Variants in ODF4 observed in about 807,000 individuals in gnomAD.
The protein encoded by ODF4 is outer dense fiber of sperm tails 4.
In ODF4, 11 loss-of-function variants were observed where a neutral mutation model predicts 17.0. The ratio of observed to expected loss-of-function variants is 0.65; its 90% CI spans 0.41 to 1.07. The LOEUF is 1.07. Among genes scored for constraint, ODF4 ranks in the 50% least tolerant of loss-of-function variants. The probability of loss-of-function intolerance (pLI) is 0.00; values close to 1 mark genes in which losing one functional copy is unlikely to be tolerated. For missense variants in ODF4, 281 were observed against 310.2 expected, an observed-to-expected ratio of 0.91 and a Z score of 0.71; for synonymous variants, 127 against 121.8, an observed-to-expected ratio of 1.04 and a Z score of -0.28.
chr17:8,345,884 C>T lies in ODF4; in HGVS notation c.*32C>T, dbSNP rs780096628. ...CTGAACTCCTGGCACCAAGTTCTGT[C>T]CATTCATCTGACCCCATCTCCTCAT... On this transcript the variant is annotated 3_prime_UTR_variant, in exon 3 of 3. Transcript: ENST00000328248. This position sits in a 1 kb window ranked among gnomAD's most constrained non-coding sequence, Gnocchi z 4.1. 1 of 1,578,494 alleles carries T rather than the reference C, an allele frequency of 6.3e-7. No homozygotes were observed. The highest frequency in any genetic ancestry group is 2.2e-5 in the East Asian group (1 of 44,592).
In ODF4 at chr17:8,339,994, A is replaced by G. The variant is rs190803100; in HGVS notation, c.-58A>G. On this transcript the variant is annotated 5_prime_UTR_variant, in exon 1 of 3. Coordinates refer to ENST00000328248, the MANE Select transcript of ODF4 (RefSeq NM_153007.5). ...CTGATGAAAATATCCAAAAGATGAG[A>G]AGAGACAATTGAGTCTGGTGAGGGA... The G allele has an allele frequency of 2.6e-5, 29 of 1,132,154 alleles. No homozygotes were observed. Among genetic ancestry groups the G allele is most frequent in the Middle Eastern group, 2.1e-4 (1 of 4,848 alleles). 70.1% of individuals were successfully genotyped at this position (1,132,154 alleles called of 1,614,324 possible). A position where few individuals can be genotyped will look rare whatever the true frequency, so the allele number is the denominator to read the frequency against.
rs1906194552 is a variant in ODF4 at position 8,345,399 on chromosome 17, T to C, written c.511T>C (p.Leu171=). The part of the protein sequence containing the change: ...LFPINIWIFE[L]ERNVSIPIGW... ...CCCCATTAACATCTGGATCTTCGAGTTGGAAAGGAATGTATCCATCCCCAT... is the reference window on the plus strand; with the variant it reads ...CCCCATTAACATCTGGATCTTCGAGCTGGAAAGGAATGTATCCATCCCCAT... The change falls in exon 2 of 3, where the codon TTG becomes CTG. Residue 171 remains leucine, a synonymous_variant. Coordinates refer to ENST00000328248, the MANE Select transcript of ODF4 (RefSeq NM_153007.5). The surrounding 1 kb of genome is among the most constrained non-coding windows in gnomAD (Gnocchi z 4.1). The C allele has an allele frequency of 6.2e-7, 1 of 1,613,718 alleles. No homozygotes were observed. Among genetic ancestry groups the C allele is most frequent in the Non-Finnish European group, 8.5e-7 (1 of 1,179,634 alleles).
chr17:8,345,256 G>A lies in ODF4; in HGVS notation c.455-87G>A. ...CCAGTCACTCTGTGTGTGGTGATGT[G>A]GTTTGTGGCTGTAGCCTAGCAGATG... On this transcript the variant is annotated intron_variant, in intron 1 of 2. Coordinates refer to ENST00000328248, the MANE Select transcript of ODF4 (RefSeq NM_153007.5). The surrounding 1 kb of genome is among the most constrained non-coding windows in gnomAD (Gnocchi z 4.1). The A allele has an allele frequency of 1.6e-6, 2 of 1,249,370 alleles. No homozygotes were observed. Among genetic ancestry groups the A allele is most frequent in the Non-Finnish European group, 2.3e-6 (2 of 873,982 alleles). The allele number at this position is 1,249,370 out of a possible 1,614,324, so 77.4% of individuals were successfully genotyped here.
intron 1 of ODF4, among the ~76,000 whole-genome samples, chr17:8,341,304 T>A (rs1000946475): frequency 6.6e-6 from 1 of 152,290 alleles, no homozygotes. Flanking sequence ...CTTAGTCTTG[T>A]GTACCCAGAG....
In ODF4 at chr17:8,345,840, T is replaced by TA. The variant is rs1906226916; in HGVS notation, c.763dup (p.Thr255AsnfsTer29). ...GAGTCCTGGATCCTGAGCAGAAGGA[T>TA]ACACATGTGTAATCTTTTCTGAACT... is the stretch of plus-strand genomic sequence containing the variant. On this transcript the variant is annotated frameshift_variant, in exon 3 of 3. Transcript: ENST00000328248. LOFTEE classifies it high-confidence loss of function. This position sits in a 1 kb window ranked among gnomAD's most constrained non-coding sequence, Gnocchi z 4.1. The TA allele has an allele frequency of 6.2e-7, 1 of 1,613,764 alleles. No homozygotes were observed. The highest frequency in any genetic ancestry group is 8.5e-7 in the Non-Finnish European group (1 of 1,179,846).
In ODF4 at chr17:8,340,382, C is replaced by G. The variant is rs1567687287; in HGVS notation, c.331C>G (p.Leu111Val). The G allele has an allele frequency of 6.2e-7, 1 of 1,613,560 alleles. No homozygotes were observed. Among genetic ancestry groups the G allele is most frequent in the Admixed American group, 1.7e-5 (1 of 59,960 alleles). ...GAAATGGCTGGACCTCTCTAGGAGCCTCTTCTACCAGCGCTGGCCCGTGGA... is the reference window on the plus strand; with the variant it reads ...GAAATGGCTGGACCTCTCTAGGAGCGTCTTCTACCAGCGCTGGCCCGTGGA... ...SKKWLDLSRS[L>V]FYQRWPVDVS... Residue 111 changes from leucine (L) to valine (V), a missense_variant, in exon 1 of 3, where the codon CTC becomes GTC. Transcript: ENST00000328248.
intron 1 of ODF4, among the ~76,000 whole-genome samples, chr17:8,341,354 G>C (rs1906009359): frequency 6.6e-6 from 1 of 152,138 alleles, no homozygotes; most frequent in South Asian, 2.1e-4. Context: ...CTCAGGCCCT[G>C]ATCCCACACA....
rs1434269140 is a variant in ODF4 at position 8,345,442 on chromosome 17, T to C, written c.554T>C (p.Ile185Thr). 3 of 1,614,122 alleles carry C rather than the reference T, an allele frequency of 1.9e-6. No homozygotes were observed. The highest frequency in any genetic ancestry group is 1.1e-5 in the South Asian group (1 of 91,088). Residue 185 changes from isoleucine to threonine, a missense_variant, in exon 2 of 3, where the codon ATT (isoleucine) becomes ACT (threonine). Transcript: ENST00000328248. This position sits in a 1 kb window ranked among gnomAD's most constrained non-coding sequence, Gnocchi z 4.1. Reference protein sequence around the residue: ...VSIPIGWSYFIGWLVLILYFT... With the variant: ...VSIPIGWSYFTGWLVLILYFT... ...ATCCCCATAGGCTGGAGCTATTTCATTGGTTGGCTGGTGCTTATCCTATAC... is the reference window on the plus strand; with the variant it reads ...ATCCCCATAGGCTGGAGCTATTTCACTGGTTGGCTGGTGCTTATCCTATAC...
chr17:8,344,743 T>C (rs1225269856), intron 1 of ODF4: 1 of 358,870 alleles, frequency 2.8e-6, no homozygotes, highest in Non-Finnish European at 3.9e-6. Flanking sequence ...TGCCTCGGCC[T>C]CCCAACGTGC....
Position 8,344,406 on chromosome 17 carries a change from G to A in ODF4, c.455-937G>A, listed in dbSNP as rs936681777. On this transcript the variant is annotated intron_variant, in intron 1 of 2. Coordinates refer to ENST00000328248, the MANE Select transcript of ODF4 (RefSeq NM_153007.5). ...AAACAATATCCATATCAAGGATCTC[G>A]GATTGTTTAAGAAGTGAAAGCAATA... Among the ~76,000 whole-genome samples the A allele has an allele frequency of 8.6e-5, 11 of 128,140 alleles. 1 individual carries two copies. Among genetic ancestry groups the A allele is most frequent in the Admixed American group, 3.0e-4 (4 of 13,406 alleles). The allele number at this position is 128,140 out of a possible 152,430, so 84.1% of individuals were successfully genotyped here. A position where few individuals can be genotyped will look rare whatever the true frequency, so the allele number is the denominator to read the frequency against.
At position 8,345,641 on chromosome 17, in the gene ODF4, C is replaced by G; in HGVS notation, c.590-27C>G. The G allele has an allele frequency of 1.2e-6, 2 of 1,605,800 alleles. No homozygotes were observed. Among genetic ancestry groups the G allele is most frequent in the Non-Finnish European group, 1.7e-6 (2 of 1,173,488 alleles). On this transcript the variant is annotated intron_variant, in intron 2 of 2. Coordinates refer to ENST00000328248, the MANE Select transcript of ODF4 (RefSeq NM_153007.5). This position sits in a 1 kb window ranked among gnomAD's most constrained non-coding sequence, Gnocchi z 4.1. ...ACTTAACCTCCCAGTCACAACTTTC[C>G]TCTCCCCTGTCCCTGTCCTTTCCCA...
rs148582540 is a variant in ODF4, at chr17:8,344,060, A to G, written c.455-1283A>G. Among the ~76,000 whole-genome samples, 58 of 125,398 alleles carry G rather than the reference A, an allele frequency of 4.6e-4. 15 individuals are homozygous for G. In the East Asian group the frequency reaches 0.013, roughly 29 times the overall value. 82.3% of individuals were successfully genotyped at this position (125,398 alleles called of 152,430 possible). A position where few individuals can be genotyped will look rare whatever the true frequency, so the allele number is the denominator to read the frequency against. On this transcript the variant is annotated intron_variant, in intron 1 of 2. Coordinates refer to ENST00000328248, the MANE Select transcript of ODF4 (RefSeq NM_153007.5). ...CACCTCGGCCTCCCAAAGTGCTAGG[A>G]TTACAGGGGTGAGCCACTGCACCCG...
intron 1 of ODF4, chr17:8,344,945 G>T: frequency 9.9e-7 from 1 of 1,005,802 alleles, no homozygotes; most frequent in Non-Finnish European, 1.2e-6. Flanking sequence ...CCCTGGGGCT[G>T]GGCCTCGTCC....
intron 1 of ODF4, among the ~76,000 whole-genome samples, chr17:8,342,171 G>T (rs1906045554): frequency 6.6e-6 from 1 of 152,186 alleles, no homozygotes; most frequent in Admixed American, 6.5e-5. Context: ...TGCAACTCAG[G>T]TGTGCCTGGC....
At position 8,345,759 on chromosome 17, in the gene ODF4, A is replaced by C. The variant is rs1400332046; in HGVS notation, c.681A>C (p.Ser227=). The C allele has an allele frequency of 3.7e-6, 6 of 1,614,052 alleles. No individual in the cohort carries two copies. Among genetic ancestry groups the C allele is most frequent in the Non-Finnish European group, 3.4e-6 (4 of 1,180,010 alleles). ...GAVSCSSSFG[S]VEESPRAQTI... ...TGTCCTGCAGCAGCAGTTTCGGCTC[A>C]GTAGAAGAATCTCCAAGGGCACAGA... The change falls in exon 3 of 3, where the codon TCA becomes TCC. Residue 227 remains serine (S), a synonymous_variant. Transcript: ENST00000328248. The surrounding 1 kb of genome is among the most constrained non-coding windows in gnomAD (Gnocchi z 4.1).
chr17:8,341,784 T>TTA (rs1906030659), intron 1 of ODF4, among the ~76,000 whole-genome samples: 2 of 71,006 alleles, frequency 2.8e-5, no homozygotes, highest in Non-Finnish European at 5.2e-5. Flanking sequence ...CTCCTTAGCA[T>TTA]GAAAAAAATC....
rs1002962036 is a variant in ODF4, at chr17:8,345,082, C to T, written c.455-261C>T. ...TGGAAAGGTCCTTTGTTTTCCTAAC[C>T]CCCATCTTCCTGGGCACTTCTCCCT... On this transcript the variant is annotated intron_variant, in intron 1 of 2. Coordinates refer to ENST00000328248, the MANE Select transcript of ODF4 (RefSeq NM_153007.5). This position sits in a 1 kb window ranked among gnomAD's most constrained non-coding sequence, Gnocchi z 4.1. 1 of 972,836 alleles carries T rather than the reference C, an allele frequency of 1.0e-6. No homozygotes were observed. The highest frequency in any genetic ancestry group is 1.7e-5 in the African/African-American group (1 of 59,708). 60.3% of individuals were successfully genotyped at this position (972,836 alleles called of 1,614,324 possible). A position where few individuals can be genotyped will look rare whatever the true frequency, so the allele number is the denominator to read the frequency against.
chr17:8,344,978 C>T (rs1906173889), intron 1 of ODF4: 2 of 1,028,226 alleles, frequency 1.9e-6, no homozygotes, highest in African/African-American at 1.7e-5. Flanking sequence ...TGCACCTGCC[C>T]TACCTGCCCG....
chr17:8,340,588 C>T (rs1905972749), intron 1 of ODF4, 83 bp downstream of exon 1: 2 of 782,214 alleles, frequency 2.6e-6, no homozygotes, highest in Non-Finnish European at 4.1e-6. Context: ...TATTCTTGTT[C>T]CCTCTTTCTG....
Sources: allele counts gnomAD v4.1 joint callset (sites outside exome capture counted in the v4.1 genomes callset), GRCh38; gene constraint gnomAD v4.1.1; non-coding constraint Gnocchi (gnomAD v3.1); transcripts MANE v1.5; gene names NCBI Gene and HGNC (gene_info 2026-07-23, HGNC 2026-07-21).